The following TENM3 variants were observed in gnomAD, a reference collection of about 807,000 sequenced individuals.
TENM3 encodes the protein teneurin-3.
In TENM3, 63 loss-of-function variants were observed where a neutral mutation model predicts 255.1. The ratio of observed to expected loss-of-function variants is 0.25; its 90% CI spans 0.20 to 0.30. TENM3 has a LOEUF of 0.30. Among genes scored for constraint, TENM3 ranks in the 10% least tolerant of loss-of-function variants. The pLI, the probability that TENM3 is intolerant of heterozygous loss-of-function variation, is 1.00. For synonymous variants in TENM3, 1,306 were observed against 1,322.3 expected, an observed-to-expected ratio of 0.99 and a Z score of 0.27; for missense variants, 2,929 against 3,461.1, an observed-to-expected ratio of 0.85 and a Z score of 3.86.
intron 4 of TENM3, among the ~76,000 whole-genome samples, chr4:182,627,479 T>G (rs1227304890): frequency 6.6e-6 from 1 of 152,166 alleles, no homozygotes; most frequent in Non-Finnish European, 1.5e-5. Context: ...AGTATTAAAA[T>G]TAGAAGTATT....
the TENM3 span, among the ~76,000 whole-genome samples, chr4:181,506,427 TC>T: frequency 6.6e-6 from 1 of 151,124 alleles, no homozygotes; most frequent in Non-Finnish European, 1.5e-5. Flanking sequence ...GAAATTGACA[TC>T]CTGGAATATA....
intron 13 of TENM3, among the ~76,000 whole-genome samples, chr4:182,725,799 C>T (rs1292695470): frequency 6.6e-6 from 1 of 151,878 alleles, no homozygotes; most frequent in Non-Finnish European, 1.5e-5. Context: ...CCACGCCCCT[C>T]TAATTTTTTT....
At chr4:182,619,018 CAG>C (rs1223855170) in intron 4 of TENM3, among the ~76,000 whole-genome samples, 1 of 152,018 alleles carries the variant, frequency 6.6e-6, no homozygotes, top group East Asian at 1.9e-4. Context: ...ACTTAAAAGA[CAG>C]AGTTACTCAA....
chr4:182,042,064 A>C, the TENM3 span, among the ~76,000 whole-genome samples: 2 of 152,014 alleles, frequency 1.3e-5, no homozygotes, highest in African/African-American at 2.4e-5. Context: ...TGGATTATAG[A>C]GTGTGTATGG....
the TENM3 span, among the ~76,000 whole-genome samples, chr4:181,894,747 C>T: frequency 2.7e-5 from 4 of 148,056 alleles, no homozygotes; most frequent in African/African-American, 7.5e-5. Flanking sequence ...AAAAAAAAAA[C>T]GGGGAAATTA....
At chr4:182,615,319 G>C (rs1749399133) in intron 4 of TENM3, among the ~76,000 whole-genome samples, 3 of 151,966 alleles carry the variant, frequency 2.0e-5, no homozygotes, top group South Asian at 4.1e-4. Flanking sequence ...CAGCCAGAAA[G>C]GTTGAGAGTG....
chr4:181,994,479 G>A, the TENM3 span, among the ~76,000 whole-genome samples: 5 of 151,810 alleles, frequency 3.3e-5, no homozygotes, highest in African/African-American at 7.2e-5. Context: ...GTGGCTTCCC[G>A]AAATATCAGC....
At chr4:182,437,023 C>T (rs564159107) in intron 3 of TENM3, among the ~76,000 whole-genome samples, 4 of 53,324 alleles carry the variant, frequency 7.5e-5, no homozygotes, top group South Asian at 1.1e-3. Flanking sequence ...AACGAAACTC[C>T]GCCTCCAAAA....
At chr4:182,399,485 G>A (rs886559440) in intron 3 of TENM3, among the ~76,000 whole-genome samples, 2 of 152,120 alleles carry the variant, frequency 1.3e-5, no homozygotes, top group South Asian at 4.1e-4. Flanking sequence ...ATTTGTTTAT[G>A]GGTACATATT....
chr4:182,043,868 C>T, the TENM3 span, among the ~76,000 whole-genome samples: 6 of 152,130 alleles, frequency 3.9e-5, no homozygotes, highest in Non-Finnish European at 8.8e-5. Context: ...AAAAAGCGCT[C>T]CCTACGAAAG....
intron 6 of TENM3, among the ~76,000 whole-genome samples, chr4:182,657,747 C>T (rs1057136997): frequency 6.6e-6 from 1 of 152,138 alleles, no homozygotes; most frequent in Non-Finnish European, 1.5e-5. Flanking sequence ...CAGCCTTGAC[C>T]TCCTGGGCTC....
the TENM3 span, among the ~76,000 whole-genome samples, chr4:181,995,654 G>A: frequency 3.9e-4 from 59 of 152,188 alleles, 1 homozygote; most frequent in African/African-American, 1.1e-3. Context: ...TTTGTGTGGC[G>A]CCCATATATG....
the TENM3 span, among the ~76,000 whole-genome samples, chr4:181,592,366 T>C: frequency 6.8e-5 from 10 of 147,576 alleles, no homozygotes; most frequent in Admixed American, 2.1e-4. Context: ...TCAAGATGAC[T>C]AAGTTTAAAG....
chr4:182,207,663 TA>T (rs977321718), intron 1 of TENM3, among the ~76,000 whole-genome samples: 4 of 152,212 alleles, frequency 2.6e-5, no homozygotes, highest in African/African-American at 7.2e-5. Flanking sequence ...GAACTACTTA[TA>T]AAGCAAATTT....
At chr4:182,601,827 A>G (rs1365207099) in intron 4 of TENM3, among the ~76,000 whole-genome samples, 3 of 152,242 alleles carry the variant, frequency 2.0e-5, no homozygotes, top group Admixed American at 6.5e-5. Flanking sequence ...CCGTACAACT[A>G]GTAGTCTGCA....
At chr4:182,762,997 C>A (rs1418905413) in intron 22 of TENM3, among the ~76,000 whole-genome samples, 1 of 72,442 alleles carries the variant, frequency 1.4e-5, no homozygotes, top group Non-Finnish European at 3.0e-5. Flanking sequence ...TCAAGAGAGA[C>A]CCCCCACAAC....
At chr4:182,251,563 A>G (rs1758016197) in intron 1 of TENM3, among the ~76,000 whole-genome samples, 1 of 152,208 alleles carries the variant, frequency 6.6e-6, no homozygotes, top group Non-Finnish European at 1.5e-5. Context: ...TTTTCATACT[A>G]GGTGGGCCTT....
the TENM3 span, among the ~76,000 whole-genome samples, chr4:181,959,033 G>GT: frequency 6.6e-6 from 1 of 151,982 alleles, no homozygotes; most frequent in East Asian, 1.9e-4. Flanking sequence ...GCATTGAATG[G>GT]TTTTTTGTTG....
the TENM3 span, among the ~76,000 whole-genome samples, chr4:181,643,440 A>T: frequency 2.0e-5 from 3 of 152,198 alleles, no homozygotes; most frequent in Non-Finnish European, 4.4e-5. Context: ...CTGCAAACAG[A>T]GACAATTTGA....
Sources: allele counts gnomAD v4.1 joint callset (sites outside exome capture counted in the v4.1 genomes callset), GRCh38; gene constraint gnomAD v4.1.1; transcripts MANE v1.5; gene names NCBI Gene and HGNC (gene_info 2026-07-23, HGNC 2026-07-21).